SETD1B: variants seen among roughly 807,000 people sequenced by gnomAD.
SETD1B encodes SET domain containing 1B, histone lysine methyltransferase, also known as histone-lysine N-methyltransferase SETD1B.
SETD1B carries 7 observed loss-of-function variants against 148.0 expected under a neutral mutation model. That is an observed-to-expected ratio of 0.05 (90% CI 0.03 to 0.09). The LOEUF is 0.09. Among genes scored for constraint, SETD1B ranks in the 10% least tolerant of loss-of-function variants. The probability of loss-of-function intolerance (pLI) is 1.00; values close to 1 mark genes in which losing one functional copy is unlikely to be tolerated. For missense variants in SETD1B, 2,155 were observed against 2,729.9 expected, an observed-to-expected ratio of 0.79 and a Z score of 4.69; for synonymous variants, 1,361 against 1,186.5, an observed-to-expected ratio of 1.15 and a Z score of -3.02.
chr12:121,812,379 T>G (rs1222522961), intron 6 of SETD1B, among the ~76,000 whole-genome samples: 1 of 151,976 alleles, frequency 6.6e-6, no homozygotes, highest in Non-Finnish European at 1.5e-5. Context: ...ACTTTTGCCT[T>G]TCTGAGTCTC....
chr12:121,795,216 G>A, the SETD1B span: 15 of 152,364 alleles, frequency 9.8e-5, no homozygotes, highest in African/African-American at 3.6e-4. Context: ...TGGGCAAAGG[G>A]TAATCTCCTG....
At chr12:121,790,869 A>AT in the SETD1B span, among the ~76,000 whole-genome samples, 1 of 151,836 alleles carries the variant, frequency 6.6e-6, no homozygotes, top group East Asian at 1.9e-4. Context: ...GATCTTTTTA[A>AT]TTTTTTTTAA....
chr12:121,812,040 T>TGGAGCGAAAGGCAGGCTGAGGCCCCG (rs1240676115), intron 6 of SETD1B, among the ~76,000 whole-genome samples: 1 of 152,166 alleles, frequency 6.6e-6, no homozygotes, highest in East Asian at 1.9e-4. Flanking sequence ...CCGCAGTGGC[T>TGGAGCGAAAGGCAGGCTGAGGCCCCG]GGAGCGAAAG....
the SETD1B span, chr12:121,796,001 C>G: frequency 6.8e-6 from 1 of 146,672 alleles, no homozygotes; most frequent in Non-Finnish European, 1.5e-5. Context: ...AGGAGGCTGG[C>G]AGAACCCCAG....
At position 121,817,243 on chromosome 12, in the gene SETD1B, G is replaced by A; in HGVS notation, c.2926G>A (p.Gly976Ser). The change falls in exon 8 of 17, where the codon GGC becomes AGC. Residue 976 changes from glycine to serine, a missense_variant. By Grantham distance (56) the Gly-to-Ser change is moderately conservative. Transcript: ENST00000604567. The surrounding 1 kb of genome is among the most constrained non-coding windows in gnomAD (Gnocchi z 8.1). ...RKEPPDTTSSGDQKRLRPSTS... is the reference protein window; with the variant it reads ...RKEPPDTTSSSDQKRLRPSTS... ...GGAGCCACCAGACACCACCTCATCT[G>A]GCGACCAGAAGCGGCTGCGGCCCTC... 6.4e-7 allele frequency: 1 copy of A among 1,551,074 alleles called. No homozygotes were observed. Among genetic ancestry groups the A allele is most frequent in the Non-Finnish European group, 8.7e-7 (1 of 1,146,946 alleles).
chr12:121,809,931 A>T lies in SETD1B; in HGVS notation c.986A>T (p.Tyr329Phe). 1 of 1,551,178 alleles carries T rather than the reference A, an allele frequency of 6.4e-7. No individual in the cohort carries two copies. Among genetic ancestry groups the T allele is most frequent in the Non-Finnish European group, 8.7e-7 (1 of 1,146,962 alleles). The change falls in exon 6 of 17, where the codon TAT becomes TTT. Residue 329 changes from tyrosine to phenylalanine, a missense_variant. Around this residue, in one of 11 missense-constraint regions of SETD1B, gnomAD observed 376 missense variants for 385.0 expected, o/e 0.98. Coordinates refer to ENST00000604567, the MANE Select transcript of SETD1B (RefSeq NM_001353345.2). ...DAYNRRHEHH[Y>F]VHNSPAVTAV... is the part of the protein sequence containing the mutation. ...TACAACCGCCGCCACGAACATCATT[A>T]TGTACACAATTCTCCCGCGGTCACT...
chr12:121,790,343 A>G, the SETD1B span, among the ~76,000 whole-genome samples: 1 of 152,200 alleles, frequency 6.6e-6, no homozygotes, highest in Non-Finnish European at 1.5e-5. Context: ...ACTTTCTACA[A>G]CTACGTTTAC....
chr12:121,822,362 C>A, intron 11 of SETD1B, 128 bp from the exon 12 acceptor site: 1 of 1,126,058 alleles, frequency 8.9e-7, no homozygotes, highest in Non-Finnish European at 1.2e-6. Flanking sequence ...AGGGGTTTAG[C>A]TGGAGAAGGA....
At chr12:121,812,771 T>C (rs987964764) in intron 6 of SETD1B, among the ~76,000 whole-genome samples, 3 of 152,104 alleles carry the variant, frequency 2.0e-5, no homozygotes, top group East Asian at 1.9e-4. Flanking sequence ...TGCGTGCGTG[T>C]GTGTGTGTGT....
chr12:121,822,378 C>T, intron 11 of SETD1B, 112 bp from the exon 12 acceptor site: 1 of 1,285,874 alleles, frequency 7.8e-7, no homozygotes, highest in Non-Finnish European at 1.0e-6. Flanking sequence ...AAGGACAGGT[C>T]CCGTGCTCAG....
At chr12:121,818,963 G>A (rs115094986) in intron 10 of SETD1B, among the ~76,000 whole-genome samples, 3,011 of 151,980 alleles carry the variant, frequency 0.02, 56 homozygotes, top group African/African-American at 0.043. Context: ...GACTACTAGC[G>A]GCCGGGTGTG....
At chr12:121,815,299 CAG>C (rs939000707) in intron 7 of SETD1B, among the ~76,000 whole-genome samples, 17 of 152,128 alleles carry the variant, frequency 1.1e-4, no homozygotes, top group Non-Finnish European at 2.4e-4. Context: ...TGAATTAAAA[CAG>C]AGTAAAATTA....
chr12:121,803,953 GGAGGAGGAGGAGGAA>G (rs1420928338), upstream of SETD1B: 1 of 156,910 alleles, frequency 6.4e-6, no homozygotes, highest in Non-Finnish European at 1.4e-5. This position sits in a 1 kb window ranked among gnomAD's most constrained non-coding sequence, Gnocchi z 4.7. Context: ...AGGAGGAAGA[GGAGGAGGAGGAGGAA>G]GAGGAGGAGG....
At position 121,810,633 on chromosome 12, in the gene SETD1B, G is replaced by A. The variant is rs942845427; in HGVS notation, c.1688G>A (p.Arg563His). Residue 563 changes from arginine to histidine, a missense_variant, in exon 6 of 17, where the codon CGC becomes CAC. Arg to His is a conservative substitution (Grantham distance 29). This residue lies in a region of SETD1B where 295 missense variants were observed against 303.8 expected (regional missense o/e 0.97). Transcript: ENST00000604567. This position sits in a 1 kb window ranked among gnomAD's most constrained non-coding sequence, Gnocchi z 7.6. Reference sequence around the variant, plus strand: ...CGGGGCCCCACGCCCCCCTCGTCACGCCCCTCCAGCACCGGCCTGGAGGAT... The same window carrying A: ...CGGGGCCCCACGCCCCCCTCGTCACACCCCTCCAGCACCGGCCTGGAGGAT... ...GFRGPTPPSSRPSSTGLEDIS... is the reference protein window; with the variant it reads ...GFRGPTPPSSHPSSTGLEDIS... The A allele has an allele frequency of 7.1e-6, 11 of 1,548,170 alleles. No individual in the cohort carries two copies. Among genetic ancestry groups the A allele is most frequent in the African/African-American group, 4.1e-5 (3 of 73,004 alleles).
chr12:121,824,074 A>G (rs1876720749), intron 12 of SETD1B, among the ~76,000 whole-genome samples: 1 of 152,328 alleles, frequency 6.6e-6, no homozygotes, highest in Non-Finnish European at 1.5e-5. Flanking sequence ...TCCCCTTCAT[A>G]ACCTCAGGTA....
chr12:121,804,980 G>A lies in SETD1B; in HGVS notation c.174+69G>A. On this transcript the variant is annotated intron_variant, in intron 2 of 16. Coordinates refer to ENST00000604567, the MANE Select transcript of SETD1B (RefSeq NM_001353345.2). The surrounding 1 kb of genome is among the most constrained non-coding windows in gnomAD (Gnocchi z 4.6). ...CCGGGGAGACGCGCCTAGCGGCCAG[G>A]GACCCCCCGCCCGATCCCCCGGCCA... is the stretch of plus-strand genomic sequence containing the variant. The A allele has an allele frequency of 1.4e-6, 2 of 1,467,230 alleles. 1 individual carries two copies. The highest frequency in any genetic ancestry group is 2.7e-5 in the South Asian group (2 of 73,170). The allele number at this position is 1,467,230 out of a possible 1,614,324, so 90.9% of individuals were successfully genotyped here. A position where few individuals can be genotyped will look rare whatever the true frequency, so the allele number is the denominator to read the frequency against.
chr12:121,801,746 T>A (rs1353631639), upstream of SETD1B: 1 of 152,256 alleles, frequency 6.6e-6, no homozygotes, highest in Non-Finnish European at 1.5e-5. Context: ...CTCCTTCCAC[T>A]TCTGCAAACT....
chr12:121,796,932 G>A, the SETD1B span, among the ~76,000 whole-genome samples: 1 of 152,038 alleles, frequency 6.6e-6, no homozygotes, highest in Non-Finnish European at 1.5e-5. Flanking sequence ...CAGCTACTCG[G>A]AGGCTGAGGC....
chr12:121,817,954 C>T lies in SETD1B; in HGVS notation c.3418+50C>T. ...TGGCCCTCCCGGAGTCCCTCTTTCC[C>T]CGGGGCAGAGCCTGAGCAATTGTCA... On this transcript the variant is annotated intron_variant, in intron 10 of 16. Coordinates refer to ENST00000604567, the MANE Select transcript of SETD1B (RefSeq NM_001353345.2). The surrounding 1 kb of genome is among the most constrained non-coding windows in gnomAD (Gnocchi z 8.1). 6.8e-7 allele frequency: 1 copy of T among 1,475,290 alleles called. No individual in the cohort carries two copies. The highest frequency in any genetic ancestry group is 2.5e-5 in the East Asian group (1 of 40,042). The allele number at this position is 1,475,290 out of a possible 1,614,324, so 91.4% of individuals were successfully genotyped here.
Sources: allele counts gnomAD v4.1 joint callset (sites outside exome capture counted in the v4.1 genomes callset), GRCh38; gene constraint gnomAD v4.1.1; regional missense constraint gnomAD v4.1.1; non-coding constraint Gnocchi (gnomAD v3.1); transcripts MANE v1.5; gene names NCBI Gene and HGNC (gene_info 2026-07-23, HGNC 2026-07-21).